DGAT2: variants seen among roughly 807,000 people sequenced by gnomAD.
DGAT2 encodes the protein acyl-CoA retinol O-fatty-acyltransferase.
In DGAT2, 33 loss-of-function variants were observed where a neutral mutation model predicts 48.4. That is an observed-to-expected ratio of 0.68 (90% confidence interval 0.52 to 0.91). The LOEUF is 0.91. DGAT2 is among the 40% of genes least tolerant of loss of function. The pLI, the probability that DGAT2 is intolerant of heterozygous loss-of-function variation, is 0.00. For synonymous variants in DGAT2, 191 were observed against 194.1 expected, an observed-to-expected ratio of 0.98 and a Z score of 0.13; for missense variants, 446 against 493.7, an observed-to-expected ratio of 0.90 and a Z score of 0.92.
chr11:75,796,777 C>T (rs1945061337), intron 5 of DGAT2: 3 of 550,674 alleles, frequency 5.4e-6, no homozygotes, highest in Admixed American at 3.4e-5. Context: ...TCTGGGGACC[C>T]CCAGCCCTTG....
At chr11:75,789,394 A>G (rs1276415306) in intron 2 of DGAT2, among the ~76,000 whole-genome samples, 2 of 152,146 alleles carry the variant, frequency 1.3e-5, no homozygotes, top group Non-Finnish European at 2.9e-5. Context: ...CAAGCAGTCC[A>G]CCACCTCAGC....
At chr11:75,791,216 G>A (rs73504580) in intron 4 of DGAT2, among the ~76,000 whole-genome samples, 5,377 of 152,310 alleles carry the variant, frequency 0.035, 301 homozygotes, top group African/African-American at 0.12. Context: ...AAAGAGTTCT[G>A]TGCAGGGTGC....
intron 1 of DGAT2, among the ~76,000 whole-genome samples, chr11:75,779,072 G>T (rs1409342333): frequency 2.0e-5 from 3 of 152,132 alleles, no homozygotes; most frequent in Non-Finnish European, 4.4e-5. Context: ...GGTTTCATCA[G>T]CCCCGAGGTG....
rs1011752990 is a variant in DGAT2, at chr11:75,798,462, C to G, written c.1012+33C>G. ...CCTAGCCTGCAGACCAAGGGCTGTC[C>G]TGAACACAGGGTGCCATACAGCTAA... On this transcript the variant is annotated intron_variant, in intron 7 of 7. Coordinates refer to ENST00000228027, the MANE Select transcript of DGAT2 (RefSeq NM_032564.5). 8.1e-6 allele frequency: 13 copies of G among 1,605,976 alleles called. No individual in the cohort carries two copies. In the African/African-American group the frequency reaches 1.6e-4, roughly 20 times the overall value.
intron 1 of DGAT2, among the ~76,000 whole-genome samples, chr11:75,771,179 A>G (rs1944753226): frequency 1.3e-5 from 2 of 152,226 alleles, no homozygotes; most frequent in South Asian, 4.2e-4. Flanking sequence ...AAAAAAGGCC[A>G]GCTGTGGGAG....
chr11:75,800,632 C>A lies in DGAT2; in HGVS notation c.*124C>A. On this transcript the variant is annotated 3_prime_UTR_variant, in exon 8 of 8. Coordinates refer to ENST00000228027, the MANE Select transcript of DGAT2 (RefSeq NM_032564.5). Reference sequence around the variant, plus strand: ...AGAAATTATAACAATTTTGCTAAACCATTACAATGTTAGGTCTTTTTTAAG... The same window carrying A: ...AGAAATTATAACAATTTTGCTAAACAATTACAATGTTAGGTCTTTTTTAAG... 1 of 1,206,446 alleles carries A rather than the reference C, an allele frequency of 8.3e-7. No individual in the cohort carries two copies. Among genetic ancestry groups the A allele is most frequent in the African/African-American group, 1.6e-5 (1 of 64,444 alleles). The allele number at this position is 1,206,446 out of a possible 1,614,324, so 74.7% of individuals were successfully genotyped here.
intron 1 of DGAT2, among the ~76,000 whole-genome samples, chr11:75,778,070 G>A (rs1944819389): frequency 6.6e-6 from 1 of 152,172 alleles, no homozygotes; most frequent in African/African-American, 2.4e-5. Flanking sequence ...TTAGCGCTTA[G>A]TACCTTGTAT....
intron 4 of DGAT2, among the ~76,000 whole-genome samples, chr11:75,791,663 G>A (rs1395773321): frequency 1.3e-5 from 2 of 152,106 alleles, no homozygotes; most frequent in Non-Finnish European, 2.9e-5. Context: ...TGTTTCTCTG[G>A]GAGAGATTCA....
At chr11:75,774,973 G>A (rs928970556) in intron 1 of DGAT2, among the ~76,000 whole-genome samples, 5 of 152,124 alleles carry the variant, frequency 3.3e-5, no homozygotes, top group African/African-American at 1.2e-4. Flanking sequence ...TCAGGAACAT[G>A]GCATTCTAAG....
intron 1 of DGAT2, among the ~76,000 whole-genome samples, chr11:75,781,981 A>T (rs749725878): frequency 2.0e-5 from 3 of 152,040 alleles, no homozygotes; most frequent in Non-Finnish European, 4.4e-5. Context: ...CATCAGTGAA[A>T]TTTCTATACT....
Position 75,768,950 on chromosome 11 carries a change from G to A in DGAT2, c.-42G>A. 1 of 1,440,442 alleles carries A rather than the reference G, an allele frequency of 6.9e-7. No homozygotes were observed. The highest frequency in any genetic ancestry group is 9.1e-7 in the Non-Finnish European group (1 of 1,098,970). The allele number at this position is 1,440,442 out of a possible 1,614,324, so 89.2% of individuals were successfully genotyped here. Reference sequence around the variant, plus strand: ...GGGGCATGGGCCAGGGGCGCGGGGTGAAGCGGCTTCCCGCGGGGCCGTGAC... The same window carrying A: ...GGGGCATGGGCCAGGGGCGCGGGGTAAAGCGGCTTCCCGCGGGGCCGTGAC... On this transcript the variant is annotated 5_prime_UTR_variant, in exon 1 of 8. Coordinates refer to ENST00000228027, the MANE Select transcript of DGAT2 (RefSeq NM_032564.5).
In DGAT2 at chr11:75,784,602, C is replaced by T. The variant is rs1456328076; in HGVS notation, c.122-16C>T. 3 of 1,613,510 alleles carry T rather than the reference C, an allele frequency of 1.9e-6. No homozygotes were observed. In the Admixed American group the frequency reaches 5.0e-5, roughly 27 times the overall value. ...GAGAAGGGTGACAGTGGACTGACAT[C>T]TTCCCTCTGCTGTAGGCACTGGATC... On this transcript the variant is annotated splice_polypyrimidine_tract_variant and intron_variant, in intron 1 of 7. Coordinates refer to ENST00000228027, the MANE Select transcript of DGAT2 (RefSeq NM_032564.5).
rs1181020042 is a variant in DGAT2 at position 75,790,742 on chromosome 11, G to T, written c.429+11G>T. Reference sequence around the variant, plus strand: ...TACTTTCCCATCCAGGTAAAGTGCTGTGAGTGTTGTTTTGGGAGGGTGGGA... The same window carrying T: ...TACTTTCCCATCCAGGTAAAGTGCTTTGAGTGTTGTTTTGGGAGGGTGGGA... On this transcript the variant is annotated intron_variant, in intron 4 of 7. Transcript: ENST00000228027. The T allele has an allele frequency of 6.2e-7, 1 of 1,614,118 alleles. No individual in the cohort carries two copies.
intron 4 of DGAT2, chr11:75,794,724 G>C (rs979980938): frequency 6.6e-6 from 1 of 152,132 alleles, no homozygotes; most frequent in African/African-American, 2.4e-5. Flanking sequence ...GGTAGAAAAT[G>C]ATATAAAAAT....
intron 1 of DGAT2, among the ~76,000 whole-genome samples, chr11:75,780,243 G>A (rs1944847029): frequency 6.6e-6 from 1 of 152,210 alleles, no homozygotes; most frequent in African/African-American, 2.4e-5. Context: ...ACCAGCTTCT[G>A]CTGGACTCCT....
intron 2 of DGAT2, among the ~76,000 whole-genome samples, chr11:75,787,450 A>G (rs147708417): frequency 3.5e-4 from 53 of 152,312 alleles, no homozygotes; most frequent in Non-Finnish European, 6.6e-4. Flanking sequence ...GCTGCCCTGC[A>G]CCACAGGCCT....
rs370920293 is a variant in DGAT2 at position 75,798,441 on chromosome 11, G to T, written c.1012+12G>T. The T allele has an allele frequency of 6.2e-7, 1 of 1,611,446 alleles. No individual in the cohort carries two copies. Among genetic ancestry groups the T allele is most frequent in the South Asian group, 1.1e-5 (1 of 91,006 alleles). On this transcript the variant is annotated intron_variant, in intron 7 of 7. Transcript: ENST00000228027. Reference sequence around the variant, plus strand: ...CATCACCACTGTTGGTAAGCCCCTAGCCTGCAGACCAAGGGCTGTCCTGAA... The same window carrying T: ...CATCACCACTGTTGGTAAGCCCCTATCCTGCAGACCAAGGGCTGTCCTGAA...
At chr11:75,776,154 A>T (rs1208322454) in intron 1 of DGAT2, 2 of 152,208 alleles carry the variant, frequency 1.3e-5, no homozygotes, top group Non-Finnish European at 2.9e-5. Context: ...TTCCCCAGAA[A>T]GCTCTGCTTG....
intron 7 of DGAT2, among the ~76,000 whole-genome samples, chr11:75,798,710 T>C (rs1425228316): frequency 6.6e-6 from 1 of 152,116 alleles, no homozygotes. Flanking sequence ...GGGAAGACTA[T>C]TGCAGCAAAG....
Sources: allele counts gnomAD v4.1 joint callset (sites outside exome capture counted in the v4.1 genomes callset), GRCh38; gene constraint gnomAD v4.1.1; transcripts MANE v1.5; gene names NCBI Gene and HGNC (gene_info 2026-07-23, HGNC 2026-07-21).